The following CTPS2 variants were observed in gnomAD, a reference collection of about 807,000 sequenced individuals.
The protein encoded by CTPS2 is CTP synthase II.
In CTPS2, 19 loss-of-function variants were observed where a neutral mutation model predicts 46.8. That is an observed-to-expected ratio of 0.41 (90% CI 0.28 to 0.60). CTPS2 has a LOEUF of 0.60. CTPS2 is among the 20% of genes least tolerant of loss of function. CTPS2 has a pLI of 0.35. For missense variants in CTPS2, 286 were observed against 447.6 expected (o/e 0.64, Z 3.26); for synonymous variants, 151 against 165.2 (o/e 0.91, Z 0.66).
chrX:16,660,546 C>T (rs1402760923), intron 13 of CTPS2, among the ~76,000 whole-genome samples: 1 of 111,108 alleles, frequency 9.0e-6, no homozygotes, highest in Non-Finnish European at 1.9e-5. Flanking sequence ...GGACTACAGG[C>T]ACGTGCCACC....
At chrX:16,694,546 T>C (rs1306501752) in intron 4 of CTPS2, among the ~76,000 whole-genome samples, 1 of 112,633 alleles carries the variant, frequency 8.9e-6, no homozygotes, top group East Asian at 2.8e-4. Flanking sequence ...CCTGGCTCTC[T>C]ACCCCACTAG....
At chrX:16,693,282 T>TGGTGCCCCACTTTC (rs2147360568) in intron 5 of CTPS2, 58 bp from the exon 6 acceptor site, 1 of 1,071,488 alleles carries the variant, frequency 9.3e-7, no homozygotes, top group Admixed American at 2.2e-5. Flanking sequence ...GGATGATTAA[T>TGGTGCCCCACTTTC]GGTGCCCCAC....
chrX:16,684,768 C>T (rs748946931), intron 8 of CTPS2, among the ~76,000 whole-genome samples: 7 of 111,461 alleles, frequency 6.3e-5, no homozygotes, highest in Non-Finnish European at 1.3e-4. Context: ...TCACAGCTGT[C>T]TGTATCTCAC....
intron 7 of CTPS2, among the ~76,000 whole-genome samples, chrX:16,691,055 G>A (rs374422527): frequency 5.3e-5 from 6 of 112,798 alleles, no homozygotes; most frequent in East Asian, 2.8e-4. Context: ...GATGGCTCAC[G>A]CCTGTAATCC....
intron 15 of CTPS2, among the ~76,000 whole-genome samples, chrX:16,618,101 C>A (rs1930629577): frequency 9.0e-6 from 1 of 111,551 alleles, no homozygotes; most frequent in Non-Finnish European, 1.9e-5. Flanking sequence ...AACCCCCCAT[C>A]ACCCTGACCC....
At chrX:16,680,701 G>A (rs73630564) in intron 9 of CTPS2, among the ~76,000 whole-genome samples, 47 of 110,628 alleles carry the variant, frequency 4.2e-4, no homozygotes, top group African/African-American at 1.3e-3. Context: ...ATAATGGGGC[G>A]GGCGACTTGA....
At chrX:16,617,306 G>C in intron 15 of CTPS2, 60 bp from the exon 16 acceptor site, 1 of 845,857 alleles carries the variant, frequency 1.2e-6, no homozygotes, top group South Asian at 2.6e-5. Flanking sequence ...GCCATACCAG[G>C]TCCTTCATCA....
intron 1 of CTPS2, among the ~76,000 whole-genome samples, chrX:16,706,392 C>T (rs1009556324): frequency 4.5e-5 from 5 of 110,843 alleles, no homozygotes; most frequent in East Asian, 2.8e-4. Context: ...CACTGCACTC[C>T]GGTCTGGGCA....
At chrX:16,685,894 CAATG>C (rs1299196114) in intron 8 of CTPS2, among the ~76,000 whole-genome samples, 1 of 94,710 alleles carries the variant, frequency 1.1e-5, no homozygotes. Context: ...AAAAAAAAGA[CAATG>C]AATAGGAGGA....
intron 17 of CTPS2, among the ~76,000 whole-genome samples, chrX:16,597,787 T>C (rs1412029216): frequency 8.2e-5 from 9 of 110,048 alleles, no homozygotes; most frequent in Non-Finnish European, 1.1e-4. Context: ...CCTTGGGCAG[T>C]ATGGCCATTT....
At chrX:16,666,590 C>T (rs1165051467) in intron 13 of CTPS2, among the ~76,000 whole-genome samples, 1 of 110,858 alleles carries the variant, frequency 9.0e-6, no homozygotes, top group African/African-American at 3.3e-5. Flanking sequence ...TCTAGGCTTC[C>T]GTGAGCCGTG....
Position 16,665,021 on chromosome X carries a change from A to T in CTPS2, c.1296+2493T>A, listed in dbSNP as rs907745487. The stretch of plus-strand genomic sequence containing the variant: ...CTCCAGAGAAGACATACAAGTGGCC[A>T]ATAAACACATGAAAAGATGCTCAAC... On this transcript the variant is annotated intron_variant, in intron 13 of 18. Coordinates refer to ENST00000359276, the MANE Select transcript of CTPS2 (RefSeq NM_175859.3). Among the ~76,000 whole-genome samples the T allele has an allele frequency of 1.3e-4, 15 of 112,737 alleles. 1 individual carries two copies. The highest frequency in any genetic ancestry group is 3.7e-5 in the Non-Finnish European group (2 of 53,402).
At chrX:16,706,904 A>G (rs1423012057) in intron 1 of CTPS2, among the ~76,000 whole-genome samples, 1 of 106,866 alleles carries the variant, frequency 9.4e-6, no homozygotes, top group Non-Finnish European at 1.9e-5. Flanking sequence ...TTAGCCGAGC[A>G]TGGTAGTATG....
In CTPS2 at chrX:16,588,128, G is replaced by C. The variant is rs776383263; in HGVS notation, c.*1689C>G. 4 of 108,881 alleles carry C rather than the reference G, an allele frequency of 3.7e-5. No individual in the cohort carries two copies. Among genetic ancestry groups the C allele is most frequent in the Non-Finnish European group, 5.7e-5 (3 of 52,701 alleles). 9.0% of individuals were successfully genotyped at this position (108,881 alleles called of 1,213,427 possible). ...AAGCCTGACTGACCAGGGGCTCTTG[G>C]GCTCTCAATGCAATAGAAACTGACA... On this transcript the variant is annotated 3_prime_UTR_variant, in exon 19 of 19. Transcript: ENST00000359276.
rs757724065 is a variant in CTPS2 at position 16,617,878 on chromosome X, C to A, written c.1450-632G>T. Among the ~76,000 whole-genome samples the A allele has an allele frequency of 3.4e-3, 376 of 112,132 alleles. 2 individuals carry two copies. Among genetic ancestry groups the A allele is most frequent in the African/African-American group, 0.011 (326 of 30,923 alleles). ...TGGAGTCTCACCTATTCTTTGCAATCTTAACCTCAGAGCTTTTATTCTACA... is the reference window on the plus strand; with the variant it reads ...TGGAGTCTCACCTATTCTTTGCAATATTAACCTCAGAGCTTTTATTCTACA... On this transcript the variant is annotated intron_variant, in intron 15 of 18. Transcript: ENST00000359276.
At chrX:16,597,397 C>T (rs1323767598) in intron 17 of CTPS2, among the ~76,000 whole-genome samples, 1 of 112,200 alleles carries the variant, frequency 8.9e-6, no homozygotes, top group African/African-American at 3.2e-5. Flanking sequence ...GATCCAGTTT[C>T]AGCCTTTTAC....
intron 13 of CTPS2, among the ~76,000 whole-genome samples, chrX:16,647,738 T>A (rs775692893): frequency 1.8e-5 from 2 of 111,434 alleles, no homozygotes; most frequent in Non-Finnish European, 3.8e-5. Flanking sequence ...TTATCTTTCA[T>A]CCTATATCGT....
intron 9 of CTPS2, 105 bp from the exon 10 acceptor site, chrX:16,678,555 T>C (rs1217987457): frequency 1.2e-5 from 6 of 503,560 alleles, no homozygotes; most frequent in Non-Finnish European, 2.1e-5. Flanking sequence ...TTACTTATTA[T>C]GCAAACACTG....
At chrX:16,627,287 A>G (rs759485999) in intron 14 of CTPS2, among the ~76,000 whole-genome samples, 18 of 112,340 alleles carry the variant, frequency 1.6e-4, no homozygotes, top group Non-Finnish European at 3.4e-4. Flanking sequence ...GCTGATGCTT[A>G]TCTAATTCAG....
Sources: gnomAD v4.1 joint callset for allele counts (sites outside exome capture counted in the v4.1 genomes callset) on GRCh38, gnomAD v4.1.1 for gene constraint, MANE v1.5 for transcripts, NCBI Gene and HGNC (gene_info 2026-07-23, HGNC 2026-07-21) for gene names.